Variants in FAM210A observed in about 807,000 individuals in gnomAD.
The protein encoded by FAM210A is mitochondrial inner membrane scaffold 1, also known as family with sequence similarity 210 member A.
Under a neutral mutation model 25.3 loss-of-function variants are expected in FAM210A, and 13 were observed. The observed-to-expected ratio is 0.51, with a 90% CI of 0.33 to 0.82. The LOEUF (loss-of-function observed/expected upper bound fraction) is 0.82, where lower values mean the gene tolerates loss of function less well. Ranked by LOEUF, FAM210A falls within the 40% of genes least tolerant of loss-of-function variation. The pLI is 0.02. For synonymous variants in FAM210A, 125 were observed against 118.7 expected (o/e 1.05, Z -0.35); for missense variants, 319 against 323.2 (o/e 0.99, Z 0.10).
At chr18:13,693,024 G>A (rs376032232) in intron 1 of FAM210A, among the ~76,000 whole-genome samples, 1 of 152,204 alleles carries the variant, frequency 6.6e-6, no homozygotes, top group Admixed American at 6.5e-5. Context: ...GAAGAAAAGA[G>A]AGAAGCATCA....
intron 1 of FAM210A, among the ~76,000 whole-genome samples, chr18:13,722,486 T>G (rs1473258660): frequency 6.6e-6 from 1 of 152,146 alleles, no homozygotes; most frequent in Non-Finnish European, 1.5e-5. Context: ...CAAAGCAGAG[T>G]TAACCTCCTC....
chr18:13,722,790 C>T (rs1368616058), intron 1 of FAM210A, among the ~76,000 whole-genome samples: 1 of 151,986 alleles, frequency 6.6e-6, no homozygotes, highest in Non-Finnish European at 1.5e-5. Flanking sequence ...CTTTTCAGGT[C>T]ACTTATGTGG....
intron 2 of FAM210A, among the ~76,000 whole-genome samples, chr18:13,674,002 C>T (rs1178117544): frequency 3.3e-5 from 5 of 149,560 alleles, no homozygotes; most frequent in South Asian, 2.1e-4. Context: ...TGAGCCCCGA[C>T]TTCATTTCCA....
In FAM210A at chr18:13,706,754, CAG is replaced by C. The variant is rs572644950; in HGVS notation, c.-29+19573_-29+19574del. On this transcript the variant is annotated intron_variant, in intron 1 of 3. Transcript: ENST00000651643. Reference sequence around the variant, plus strand: ...CTCTTGTGAAGGTTATGCTAAAAAACAGAATTGGCTAAACAGAAAAGTATCTG... The same window carrying C: ...CTCTTGTGAAGGTTATGCTAAAAAACAATTGGCTAAACAGAAAAGTATCTG... 2.8e-4 allele frequency among the ~76,000 whole-genome samples: 42 copies of C among 152,320 alleles called. No homozygotes were observed. The East Asian group carries it at 7.9e-3, about 29-fold the overall frequency.
intron 1 of FAM210A, among the ~76,000 whole-genome samples, chr18:13,702,364 A>T (rs2043747395): frequency 6.6e-6 from 1 of 152,260 alleles, no homozygotes; most frequent in Non-Finnish European, 1.5e-5. Context: ...TCATAAAGAC[A>T]GCTAACTTAG....
rs2043400717 is a variant in FAM210A at position 13,666,309 on chromosome 18, C to G, written c.*171G>C. On this transcript the variant is annotated 3_prime_UTR_variant, in exon 4 of 4. Transcript: ENST00000651643. The stretch of plus-strand genomic sequence containing the variant: ...GTTCATTTCTTCCCTTGTAATAACA[C>G]TGATTTTTCTAGTGATATTTAACTT... 1.7e-6 allele frequency: 1 copy of G among 605,946 alleles called. No homozygotes were observed. Among genetic ancestry groups the G allele is most frequent in the African/African-American group, 1.9e-5 (1 of 53,884 alleles). 37.5% of individuals were successfully genotyped at this position (605,946 alleles called of 1,614,324 possible). A position where few individuals can be genotyped will look rare whatever the true frequency, so the allele number is the denominator to read the frequency against.
intron 1 of FAM210A, among the ~76,000 whole-genome samples, chr18:13,725,932 A>C (rs771728189): frequency 1.5e-4 from 23 of 152,298 alleles, no homozygotes; most frequent in Non-Finnish European, 2.5e-4. Flanking sequence ...GGCGGTAAGG[A>C]CCAGTCTGCC....
chr18:13,700,043 A>G (rs2039309576), intron 1 of FAM210A, among the ~76,000 whole-genome samples: 1 of 152,212 alleles, frequency 6.6e-6, no homozygotes, highest in African/African-American at 2.4e-5. Flanking sequence ...AGAGGACACC[A>G]ACTGGGTACC....
intron 1 of FAM210A, among the ~76,000 whole-genome samples, chr18:13,693,412 G>C (rs144129057): frequency 0.015 from 2,340 of 152,264 alleles, 40 homozygotes; most frequent in Admixed American, 0.064. Context: ...ACATCATCCT[G>C]ATACCAAAGC....
At chr18:13,683,483 G>C (rs1252896093) in intron 1 of FAM210A, among the ~76,000 whole-genome samples, 4 of 151,816 alleles carry the variant, frequency 2.6e-5, no homozygotes, top group Non-Finnish European at 5.9e-5. Context: ...GAGGACACTT[G>C]AGCCCAGGTA....
chr18:13,688,502 C>T (rs979225160), intron 1 of FAM210A, among the ~76,000 whole-genome samples: 39 of 152,222 alleles, frequency 2.6e-4, no homozygotes, highest in Admixed American at 2.5e-3. Flanking sequence ...TTTCCAGCTC[C>T]TCTCCCCACT....
intron 1 of FAM210A, among the ~76,000 whole-genome samples, chr18:13,695,994 A>G (rs1258106143): frequency 6.6e-6 from 1 of 152,208 alleles, no homozygotes; most frequent in African/African-American, 2.4e-5. Flanking sequence ...CCATTTATAT[A>G]ATAATATACT....
chr18:13,706,640 A>G (rs1414943991), intron 1 of FAM210A, among the ~76,000 whole-genome samples: 6 of 152,232 alleles, frequency 3.9e-5, no homozygotes, highest in African/African-American at 1.4e-4. Context: ...TTGGAATAAA[A>G]GAGGGAATGA....
At chr18:13,673,750 T>C (rs1376156843) in intron 2 of FAM210A, among the ~76,000 whole-genome samples, 1 of 151,536 alleles carries the variant, frequency 6.6e-6, no homozygotes, top group Admixed American at 6.6e-5. Context: ...TCCAGTTCCC[T>C]GATTATTAAC....
At chr18:13,703,743 T>C (rs1436542415) in intron 1 of FAM210A, among the ~76,000 whole-genome samples, 2 of 152,216 alleles carry the variant, frequency 1.3e-5, no homozygotes, top group African/African-American at 2.4e-5. Context: ...ATTAATTGGC[T>C]TAAAGAAAAA....
At chr18:13,702,242 T>C (rs2043746691) in intron 1 of FAM210A, among the ~76,000 whole-genome samples, 1 of 152,214 alleles carries the variant, frequency 6.6e-6, no homozygotes. Flanking sequence ...GAATGAATGG[T>C]AAAAATCACT....
At chr18:13,666,735 G>C (rs1370375235) in intron 3 of FAM210A, 22 bp from the exon 4 acceptor site, 1 of 1,594,148 alleles carries the variant, frequency 6.3e-7, no homozygotes, top group Non-Finnish European at 8.6e-7. Flanking sequence ...AGCAAACAGA[G>C]GCAAATCAAA....
chr18:13,683,714 C>A (rs946128266), intron 1 of FAM210A, among the ~76,000 whole-genome samples: 3 of 152,108 alleles, frequency 2.0e-5, no homozygotes, highest in Non-Finnish European at 4.4e-5. Flanking sequence ...TGGTACCACA[C>A]ATGCCTTCCC....
chr18:13,710,142 T>C (rs1162948732), intron 1 of FAM210A: 1 of 152,178 alleles, frequency 6.6e-6, no homozygotes, highest in African/African-American at 2.4e-5. Context: ...AGATTAGAAT[T>C]ATGGGAAGGG....
Sources: allele counts gnomAD v4.1 joint callset (sites outside exome capture counted in the v4.1 genomes callset), GRCh38; gene constraint gnomAD v4.1.1; transcripts MANE v1.5; gene names NCBI Gene and HGNC (gene_info 2026-07-23, HGNC 2026-07-21).